Variants in DPP6 observed in about 807,000 individuals in gnomAD.
DPP6 encodes the protein A-type potassium channel modulatory protein DPP6.
In DPP6, 69 loss-of-function variants were observed where a neutral mutation model predicts 122.6. The ratio of observed to expected loss-of-function variants is 0.56; its 90% CI spans 0.46 to 0.69. The LOEUF (loss-of-function observed/expected upper bound fraction) is 0.69. Ranked by LOEUF, DPP6 falls within the 30% of genes least tolerant of loss-of-function variation. DPP6 has a pLI of 0.00. For missense variants in DPP6, 928 were observed against 1,116.9 expected (o/e 0.83, Z 2.41); for synonymous variants, 418 against 433.1 (o/e 0.97, Z 0.43).
rs148478637 is a variant in DPP6 at position 154,041,444 on chromosome 7, C to T, written c.51+153710C>T. ...TCCCCTCTGTAACAACTGATTGGCC[C>T]TCTCGGGAACTCTGTGCTTAAATAA... On this transcript the variant is annotated intron_variant, in intron 1 of 25. Coordinates refer to the DPP6 transcript ENST00000404039. Among the ~76,000 whole-genome samples, 864 of 152,308 alleles carry T rather than the reference C, an allele frequency of 5.7e-3. 3 individuals are homozygous for T. Among genetic ancestry groups the T allele is most frequent in the African/African-American group, 0.02 (833 of 41,554 alleles).
chr7:154,501,751 G>A lies in DPP6; in HGVS notation c.457+26714G>A, dbSNP rs536125125. Among the ~76,000 whole-genome samples the A allele has an allele frequency of 2.6e-5, 4 of 152,336 alleles. No homozygotes were observed. In the South Asian group the frequency reaches 6.2e-4, roughly 24 times the overall value. ...AGGGCAGTGTGGAAGGAAAATGTGGGGTTGGAGCCCCGACACAGAATCCCT... is the reference window on the plus strand; with the variant it reads ...AGGGCAGTGTGGAAGGAAAATGTGGAGTTGGAGCCCCGACACAGAATCCCT... On this transcript the variant is annotated intron_variant, in intron 3 of 25. Coordinates refer to ENST00000377770, the MANE Select transcript of DPP6 (RefSeq NM_130797.4).
At chr7:154,836,581 T>C (rs1801073664) in intron 16 of DPP6, among the ~76,000 whole-genome samples, 1 of 152,244 alleles carries the variant, frequency 6.6e-6, no homozygotes, top group South Asian at 2.1e-4. Flanking sequence ...TTTTACATCA[T>C]TAATTTTGTT....
upstream of DPP6, among the ~76,000 whole-genome samples, chr7:154,050,047 C>T (rs1423071791): frequency 2.6e-5 from 4 of 152,122 alleles, no homozygotes; most frequent in East Asian, 1.9e-4. Context: ...CCCAGCATTC[C>T]GGCTCCTTTC....
intron 5 of DPP6, among the ~76,000 whole-genome samples, chr7:154,568,485 C>T (rs970216675): frequency 2.6e-5 from 4 of 152,144 alleles, no homozygotes; most frequent in Admixed American, 1.3e-4. Context: ...TATTGTTCTC[C>T]GGAATGTGAC....
intron 13 of DPP6, among the ~76,000 whole-genome samples, chr7:154,803,127 G>C (rs1798476893): frequency 6.6e-6 from 1 of 152,132 alleles, no homozygotes; most frequent in Non-Finnish European, 1.5e-5. Context: ...CGAGTCTGCA[G>C]CCCACAGAGT....
intron 1 of DPP6, among the ~76,000 whole-genome samples, chr7:153,966,805 G>A (rs1795764657): frequency 6.6e-6 from 1 of 151,440 alleles, no homozygotes; most frequent in African/African-American, 2.4e-5. Flanking sequence ...GGTGGCTCAT[G>A]CCTGTAATCC....
chr7:154,212,045 T>C (rs1018804391), intron 1 of DPP6, among the ~76,000 whole-genome samples: 1 of 152,316 alleles, frequency 6.6e-6, no homozygotes, highest in Non-Finnish European at 1.5e-5. Flanking sequence ...TTCTTCACTT[T>C]ATACATGAGA....
chr7:154,120,139 T>G (rs1031481463), intron 1 of DPP6, among the ~76,000 whole-genome samples: 8 of 152,182 alleles, frequency 5.3e-5, no homozygotes, highest in Non-Finnish European at 8.8e-5. Flanking sequence ...AGGTGGGAGG[T>G]GATGTGTTTT....
At chr7:153,972,870 G>T (rs1402291730) in intron 1 of DPP6, among the ~76,000 whole-genome samples, 3 of 150,998 alleles carry the variant, frequency 2.0e-5, no homozygotes, top group Non-Finnish European at 2.9e-5. Context: ...CCAGGATTTT[G>T]TGAAACTCAC....
At chr7:153,820,538 G>C in the DPP6 span, among the ~76,000 whole-genome samples, 71 of 152,154 alleles carry the variant, frequency 4.7e-4, no homozygotes, top group East Asian at 0.013. Context: ...CTTTAGAATG[G>C]GAGAGAACCA....
chr7:154,265,257 T>C (rs984062431), intron 1 of DPP6, among the ~76,000 whole-genome samples: 1 of 151,530 alleles, frequency 6.6e-6, no homozygotes, highest in Non-Finnish European at 1.5e-5. Flanking sequence ...ATGGTGTTAA[T>C]GGCGATGATG....
intron 1 of DPP6, among the ~76,000 whole-genome samples, chr7:154,368,531 C>CT (rs1586074140): frequency 1.3e-5 from 2 of 152,322 alleles, no homozygotes; most frequent in African/African-American, 4.8e-5. Flanking sequence ...AAACATCTCA[C>CT]TTTTGTTACT....
chr7:154,136,726 T>C (rs564198228), intron 1 of DPP6, among the ~76,000 whole-genome samples: 1 of 151,722 alleles, frequency 6.6e-6, no homozygotes, highest in Non-Finnish European at 1.5e-5. Context: ...AACACTAAAA[T>C]GTTAATAATA....
chr7:154,738,338 C>T (rs1842662854), intron 8 of DPP6, among the ~76,000 whole-genome samples: 1 of 152,240 alleles, frequency 6.6e-6, no homozygotes, highest in South Asian at 2.1e-4. Context: ...TCCAAATCTT[C>T]CTCTTCGTGG....
At chr7:154,851,400 A>G (rs750589413) in intron 16 of DPP6, among the ~76,000 whole-genome samples, 37 of 152,388 alleles carry the variant, frequency 2.4e-4, no homozygotes, top group Non-Finnish European at 4.4e-4. Flanking sequence ...TAATAAGAAC[A>G]TAAGAGATAT....
At chr7:154,777,139 G>A (rs1043704143) in intron 10 of DPP6, among the ~76,000 whole-genome samples, 4 of 152,226 alleles carry the variant, frequency 2.6e-5, no homozygotes, top group African/African-American at 9.7e-5. Flanking sequence ...GGCATGTGCT[G>A]TGTGAGGCCC....
intron 1 of DPP6, among the ~76,000 whole-genome samples, chr7:154,216,510 T>TGA (rs1227459538): frequency 6.6e-6 from 1 of 152,166 alleles, no homozygotes; most frequent in Non-Finnish European, 1.5e-5. Flanking sequence ...CTCGTGGCTT[T>TGA]GAGGAGGGAT....
intron 1 of DPP6, among the ~76,000 whole-genome samples, chr7:154,104,631 G>A (rs1585385917): frequency 6.6e-6 from 1 of 152,286 alleles, no homozygotes; most frequent in East Asian, 1.9e-4. Flanking sequence ...GTGCTGTGCA[G>A]GCATCTGCCT....
At chr7:154,263,425 G>C (rs1803164657) in intron 1 of DPP6, among the ~76,000 whole-genome samples, 1 of 152,186 alleles carries the variant, frequency 6.6e-6, no homozygotes, top group African/African-American at 2.4e-5. Context: ...AGAAAAATCT[G>C]AGTAATCATC....
Sources: gnomAD v4.1 joint callset for allele counts (sites outside exome capture counted in the v4.1 genomes callset) on GRCh38, gnomAD v4.1.1 for gene constraint, MANE v1.5 for transcripts, NCBI Gene and HGNC (gene_info 2026-07-23, HGNC 2026-07-21) for gene names.